The following RGL1 variants were observed in gnomAD, a reference collection of about 807,000 sequenced individuals.
RGL1 encodes the protein ral guanine nucleotide dissociation stimulator-like 1.
A neutral mutation model predicts 95.2 loss-of-function variants in RGL1; 24 were observed. The ratio of observed to expected loss-of-function variants is 0.25; its 90% CI spans 0.18 to 0.35. The LOEUF is 0.35. Ranked by LOEUF, RGL1 falls within the 10% of genes least tolerant of loss-of-function variation. RGL1 has a pLI of 1.00. For synonymous variants in RGL1, 329 were observed against 344.9 expected, an observed-to-expected ratio of 0.95 and a Z score of 0.51; for missense variants, 715 against 936.3, an observed-to-expected ratio of 0.76 and a Z score of 3.08.
At chr1:183,817,173 G>T (rs1328538832) in intron 2 of RGL1, among the ~76,000 whole-genome samples, 1 of 152,130 alleles carries the variant, frequency 6.6e-6, no homozygotes, top group Admixed American at 6.5e-5. Context: ...CCCGATGTAG[G>T]ACTTGAACTC....
intron 1 of RGL1, among the ~76,000 whole-genome samples, chr1:183,706,731 C>G (rs930512442): frequency 6.6e-6 from 1 of 152,196 alleles, no homozygotes; most frequent in African/African-American, 2.4e-5. Context: ...GCCCACAGAG[C>G]CCCTGATGGC....
In RGL1 at chr1:183,907,012, C is replaced by T; in HGVS notation, c.1473C>T (p.Ser491=). 1.9e-6 allele frequency: 3 copies of T among 1,597,088 alleles called. No homozygotes were observed. Among genetic ancestry groups the T allele is most frequent in the Non-Finnish European group, 2.6e-6 (3 of 1,165,128 alleles). ...CATGGAGCCCCCTTCTCTTTCTCAG[C>T]TATGCCCTGTCATGTGAGATTGAAG... ...QRQQLLTEEE[S]YALSCEIEAA... Residue 491 remains serine, a splice_region_variant and synonymous_variant, in exon 14 of 18, where the codon AGC becomes AGT. Transcript: ENST00000360851.
Position 183,923,861 on chromosome 1 carries a change from A to C in RGL1, c.2119+1525A>C, listed in dbSNP as rs1408201840. Among the ~76,000 whole-genome samples the C allele has an allele frequency of 3.9e-5, 6 of 152,192 alleles. No individual in the cohort carries two copies. The East Asian group carries it at 1.2e-3, about 29-fold the overall frequency. On this transcript the variant is annotated intron_variant, in intron 17 of 17. Transcript: ENST00000360851. ...GAGTCACTTGGAACCTGCTCATATC[A>C]GTCTTGTTGTTGGATATCAATGTTT...
At chr1:183,709,670 G>A (rs949565103) in intron 1 of RGL1, 6 of 215,116 alleles carry the variant, frequency 2.8e-5, no homozygotes, top group Admixed American at 8.2e-5. Context: ...ACTAGGTCTC[G>A]GAAAGCAATG....
chr1:183,805,242 T>A lies in RGL1; in HGVS notation c.-56T>A. 6.2e-7 allele frequency: 1 copy of A among 1,602,492 alleles called. No homozygotes were observed. The highest frequency in any genetic ancestry group is 8.5e-7 in the Non-Finnish European group (1 of 1,175,092). ...GGGCTGAGCCCAGCAGACATTGCGT[T>A]GGCCTCCGAGCAGGGCGCATCATGC... On this transcript the variant is annotated 5_prime_UTR_variant, in exon 1 of 18. Coordinates refer to ENST00000360851, the MANE Select transcript of RGL1 (RefSeq NM_001297671.3).
At position 183,724,009 on chromosome 1, in the gene RGL1, C is replaced by T. The variant is rs1656170583; in HGVS notation, c.-32-18117C>T. ...GGGCATTAGGCAGAGTTATGAAGCCCCTATCCCAGGCCCTAGCTCCCAGAT... is the reference window on the plus strand; with the variant it reads ...GGGCATTAGGCAGAGTTATGAAGCCTCTATCCCAGGCCCTAGCTCCCAGAT... On this transcript the variant is annotated intron_variant, in intron 1 of 18. Coordinates refer to the RGL1 transcript ENST00000304685. This position sits in a 1 kb window ranked among gnomAD's most constrained non-coding sequence, Gnocchi z 4.1. Among the ~76,000 whole-genome samples the T allele has an allele frequency of 6.6e-6, 1 of 152,094 alleles. No homozygotes were observed. Among genetic ancestry groups the T allele is most frequent in the Admixed American group, 6.6e-5 (1 of 15,258 alleles).
At chr1:183,670,122 T>G (rs1652341561) in intron 1 of RGL1, among the ~76,000 whole-genome samples, 1 of 152,174 alleles carries the variant, frequency 6.6e-6, no homozygotes. Context: ...ACTTCATCAC[T>G]GTTTCTCTGT....
chr1:183,757,950 C>A (rs1406684953), intron 2 of RGL1, among the ~76,000 whole-genome samples: 1 of 152,210 alleles, frequency 6.6e-6, no homozygotes, highest in Non-Finnish European at 1.5e-5. Context: ...CATAACCATT[C>A]CTGGCCAGGG....
intron 2 of RGL1, among the ~76,000 whole-genome samples, chr1:183,785,571 T>C (rs1952234): frequency 0.69 from 105,637 of 152,042 alleles, 37,071 homozygotes; most frequent in East Asian, 0.91. Context: ...TGTATTGATC[T>C]TTATGTCATG....
intron 1 of RGL1, among the ~76,000 whole-genome samples, chr1:183,668,358 A>C (rs1453974450): frequency 2.0e-5 from 3 of 152,104 alleles, no homozygotes; most frequent in Admixed American, 6.5e-5. Context: ...TCAACACTTT[A>C]AATTTTTTCT....
rs145369915 is a variant in RGL1, at chr1:183,647,649, A to T, written c.-33+11148A>T. On this transcript the variant is annotated intron_variant, in intron 1 of 18. Coordinates refer to the RGL1 transcript ENST00000304685. ...TGCCTATCTAATAAGTCCCTTGGTA[A>T]TTGGTTTCATGCTGTAGGAATGTAG... The T allele has an allele frequency of 7.9e-4, 1,220 of 1,548,590 alleles. 4 individuals are homozygous for T. The highest frequency in any genetic ancestry group is 3.4e-3 in the Admixed American group (172 of 51,186).
chr1:183,666,754 G>A (rs1558143258), intron 1 of RGL1, among the ~76,000 whole-genome samples: 1 of 152,212 alleles, frequency 6.6e-6, no homozygotes, highest in Non-Finnish European at 1.5e-5. Context: ...CATCTGTGAA[G>A]GTATGTTTTA....
intron 2 of RGL1, among the ~76,000 whole-genome samples, chr1:183,769,857 G>A (rs944815943): frequency 7.2e-5 from 11 of 152,256 alleles, no homozygotes; most frequent in African/African-American, 2.6e-4. Context: ...TATTAACCAG[G>A]CCCGACCCAG....
chr1:183,880,896 C>T lies in RGL1; in HGVS notation c.610+96C>T, dbSNP rs556871583. The T allele has an allele frequency of 1.4e-5, 16 of 1,122,350 alleles. No individual in the cohort carries two copies. The East Asian group carries it at 3.1e-4, about 22-fold the overall frequency. The allele number at this position is 1,122,350 out of a possible 1,614,324, so 69.5% of individuals were successfully genotyped here. On this transcript the variant is annotated intron_variant, in intron 5 of 17. Coordinates refer to ENST00000360851, the MANE Select transcript of RGL1 (RefSeq NM_001297671.3). ...CTCCCTGTGCTGGCTAATAGGAAAC[C>T]TTGGTACCCTCAAAACAACATGCTG...
intron 2 of RGL1, among the ~76,000 whole-genome samples, chr1:183,835,114 G>C (rs955823416): frequency 6.6e-6 from 1 of 152,040 alleles, no homozygotes; most frequent in Admixed American, 6.5e-5. Flanking sequence ...ATAAAATTTT[G>C]ATCATTAATA....
At chr1:183,799,610 A>T (rs184292282) in intron 2 of RGL1, among the ~76,000 whole-genome samples, 182 of 152,252 alleles carry the variant, frequency 1.2e-3, no homozygotes, top group African/African-American at 3.5e-3. Context: ...TTCTTTGGAA[A>T]ATTGCCTGTT....
intron 2 of RGL1, among the ~76,000 whole-genome samples, chr1:183,774,896 C>T (rs1659511344): frequency 1.3e-5 from 2 of 152,004 alleles, no homozygotes; most frequent in South Asian, 4.2e-4. Context: ...TTCTGAGTTC[C>T]TCAGGAGAGG....
At chr1:183,831,348 T>C (rs1663246362) in intron 2 of RGL1, among the ~76,000 whole-genome samples, 1 of 152,068 alleles carries the variant, frequency 6.6e-6, no homozygotes, top group Admixed American at 6.5e-5. Context: ...AAGGCCAGTG[T>C]GGTTGGGGCC....
chr1:183,729,462 C>G (rs1656503802), intron 1 of RGL1, among the ~76,000 whole-genome samples: 1 of 152,060 alleles, frequency 6.6e-6, no homozygotes, highest in South Asian at 2.1e-4. Context: ...TAAAAGGACC[C>G]CAAATACTAA....
Sources: gnomAD v4.1 joint callset for allele counts (sites outside exome capture counted in the v4.1 genomes callset) on GRCh38, gnomAD v4.1.1 for gene constraint, Gnocchi (gnomAD v3.1) non-coding constraint, MANE v1.5 for transcripts, NCBI Gene and HGNC (gene_info 2026-07-23, HGNC 2026-07-21) for gene names.